Variants in CERK observed in about 807,000 individuals in gnomAD.
The protein encoded by CERK is acylsphingosine kinase.
A neutral mutation model predicts 63.4 loss-of-function variants in CERK; 39 were observed. The observed-to-expected ratio is 0.61, with a 90% CI of 0.48 to 0.80. CERK has a LOEUF of 0.80. CERK is among the 30% of genes least tolerant of loss of function. The pLI is 0.00. For missense variants in CERK, 670 were observed against 714.1 expected (o/e 0.94, Z 0.70); for synonymous variants, 302 against 280.0 (o/e 1.08, Z -0.78).
intron 1 of CERK, among the ~76,000 whole-genome samples, chr22:46,732,304 T>C (rs1030466234): frequency 3.3e-5 from 5 of 152,104 alleles, no homozygotes; most frequent in Non-Finnish European, 5.9e-5. Context: ...GCTGAAGCCA[T>C]TAAGTTGAGA....
chr22:46,721,798 CAG>C (rs1185380548), intron 1 of CERK, among the ~76,000 whole-genome samples: 3 of 152,146 alleles, frequency 2.0e-5, no homozygotes, highest in African/African-American at 4.8e-5. Context: ...GGGGAGGAGA[CAG>C]GGGAGACTTC....
At chr22:46,730,703 C>T (rs561817231) in intron 1 of CERK, among the ~76,000 whole-genome samples, 10 of 152,330 alleles carry the variant, frequency 6.6e-5, no homozygotes, top group Non-Finnish European at 1.2e-4. Flanking sequence ...AAGCCCTGGA[C>T]GTCACACATG....
chr22:46,726,253 C>T (rs1256226419), intron 1 of CERK, among the ~76,000 whole-genome samples: 2 of 152,240 alleles, frequency 1.3e-5, no homozygotes, highest in Non-Finnish European at 2.9e-5. Context: ...GAGCGAGTTC[C>T]CAGCTAAGAG....
intron 12 of CERK, among the ~76,000 whole-genome samples, chr22:46,688,323 A>AT (rs576672895): frequency 9.2e-5 from 14 of 152,378 alleles, no homozygotes; most frequent in African/African-American, 2.9e-4. Flanking sequence ...GACAGGACGT[A>AT]TTTCAAGAAT....
At chr22:46,688,425 T>C (rs2082714136) in intron 12 of CERK, among the ~76,000 whole-genome samples, 1 of 152,156 alleles carries the variant, frequency 6.6e-6, no homozygotes, top group Non-Finnish European at 1.5e-5. Flanking sequence ...GTCAAATGAG[T>C]TGACAGAGGA....
chr22:46,723,740 C>T (rs953811944), intron 1 of CERK, among the ~76,000 whole-genome samples: 3 of 151,760 alleles, frequency 2.0e-5, no homozygotes, highest in Admixed American at 6.6e-5. Context: ...TGGAGTCTTG[C>T]TCGTCACCCA....
chr22:46,711,380 G>A (rs1326813727), intron 4 of CERK, among the ~76,000 whole-genome samples: 2 of 152,124 alleles, frequency 1.3e-5, no homozygotes, highest in East Asian at 1.9e-4. Context: ...GACATGCAGC[G>A]TTCCTGGTAT....
Position 46,690,108 on chromosome 22 carries a change from C to T in CERK, c.1425G>A (p.Gly475=). The change falls in exon 12 of 13, where the codon GGG becomes GGA. Residue 475 remains glycine (G), a synonymous_variant. Coordinates refer to ENST00000216264, the MANE Select transcript of CERK (RefSeq NM_022766.6). Reference sequence around the variant, plus strand: ...AAATGTGCCCAAAGCGCTTCTTCCCCCCCTCCTTGAGGTCGCTGTCCTCAT... The same window carrying T: ...AAATGTGCCCAAAGCGCTTCTTCCCTCCCTCCTTGAGGTCGCTGTCCTCAT... ...MEDEDSDLKE[G]GKKRFGHICS... 6.2e-7 allele frequency: 1 copy of T among 1,614,106 alleles called. No homozygotes were observed. Among genetic ancestry groups the T allele is most frequent in the Non-Finnish European group, 8.5e-7 (1 of 1,180,014 alleles).
chr22:46,738,097 G>A lies in CERK; in HGVS notation c.52C>T (p.Gln18Ter). 1.6e-6 allele frequency: 2 copies of A among 1,288,622 alleles called. No individual in the cohort carries two copies. Among genetic ancestry groups the A allele is most frequent in the Non-Finnish European group, 2.0e-6 (2 of 1,010,374 alleles). The allele number at this position is 1,288,622 out of a possible 1,614,324, so 79.8% of individuals were successfully genotyped here. Residue 18 changes from glutamine to a stop codon, truncating the protein, a stop_gained, in exon 1 of 13, where the codon CAG becomes TAG. Transcript: ENST00000216264. LOFTEE classifies it high-confidence loss of function. The part of the protein sequence containing the change: ...EPLQSVLWVK[Q>*]QRCAVSLEPA... ...TCCAGGCTCACGGCGCAGCGCTGCT[G>A]CTTCACCCACAGCACGGATTGCAGC...
At chr22:46,711,298 C>G in intron 4 of CERK, 149 bp from the exon 5 acceptor site, 1 of 646,872 alleles carries the variant, frequency 1.5e-6, no homozygotes, top group Non-Finnish European at 2.8e-6. Context: ...CTACATCGCT[C>G]TTATGGGACG....
intron 12 of CERK, among the ~76,000 whole-genome samples, chr22:46,687,552 G>A (rs1187236695): frequency 1.3e-5 from 2 of 152,258 alleles, no homozygotes; most frequent in Non-Finnish European, 2.9e-5. Flanking sequence ...ATGGAAAGCA[G>A]AGCGTCCGCT....
intron 3 of CERK, 141 bp downstream of exon 3, chr22:46,719,945 A>C: frequency 8.7e-7 from 1 of 1,151,572 alleles, no homozygotes. Context: ...GCTCATGAGA[A>C]ATTAAGTCAG....
In CERK at chr22:46,690,243, A is replaced by G. The variant is rs1569317976; in HGVS notation, c.1333-43T>C. On this transcript the variant is annotated intron_variant, in intron 11 of 12. Transcript: ENST00000216264. ...GAGGGACCATTCAGCTCTAAACGTCATCGTCTGGGTGGGGCAGCAGAACAC... is the reference window on the plus strand; with the variant it reads ...GAGGGACCATTCAGCTCTAAACGTCGTCGTCTGGGTGGGGCAGCAGAACAC... 4 of 1,567,126 alleles carry G rather than the reference A, an allele frequency of 2.6e-6. No individual in the cohort carries two copies. The African/African-American group carries it at 4.1e-5, about 16-fold the overall frequency.
Position 46,689,988 on chromosome 22 carries a change from G to A in CERK, c.1541+4C>T, listed in dbSNP as rs375650283. ...GCTGGTGGCTGGAGGACCCCTGCACGCACCTGACCTCGATGGCAGGGCTGT... is the reference window on the plus strand; with the variant it reads ...GCTGGTGGCTGGAGGACCCCTGCACACACCTGACCTCGATGGCAGGGCTGT... On this transcript the variant is annotated splice_donor_region_variant and intron_variant, in intron 12 of 12. Transcript: ENST00000216264. 61 of 1,597,254 alleles carry A rather than the reference G, an allele frequency of 3.8e-5. 1 individual carries two copies. The highest frequency in any genetic ancestry group is 3.3e-4 in the Middle Eastern group (2 of 6,002).
chr22:46,734,565 T>C (rs1413694074), intron 1 of CERK, among the ~76,000 whole-genome samples: 1 of 152,230 alleles, frequency 6.6e-6, no homozygotes, highest in Non-Finnish European at 1.5e-5. Context: ...GCGATCCGGG[T>C]GATGTTTACA....
At chr22:46,736,917 C>A (rs1218945010) in intron 1 of CERK, among the ~76,000 whole-genome samples, 1 of 152,202 alleles carries the variant, frequency 6.6e-6, no homozygotes, top group South Asian at 2.1e-4. Context: ...ACCAGAGAAT[C>A]TTGGCCTCCG....
intron 1 of CERK, among the ~76,000 whole-genome samples, chr22:46,733,031 AC>A (rs943415091): frequency 1.3e-5 from 2 of 151,638 alleles, no homozygotes; most frequent in African/African-American, 2.4e-5. Flanking sequence ...ACACAGTGAA[AC>A]CCCATCTCTT....
At chr22:46,698,985 C>T (rs2082769815) in intron 8 of CERK, among the ~76,000 whole-genome samples, 1 of 152,158 alleles carries the variant, frequency 6.6e-6, no homozygotes, top group Admixed American at 6.6e-5. Context: ...TGGCCTCTGT[C>T]ACCTGCCTAC....
intron 2 of CERK, among the ~76,000 whole-genome samples, 199 bp downstream of exon 2, chr22:46,720,702 AT>A (rs1424791144): frequency 2.7e-4 from 41 of 152,204 alleles, no homozygotes; most frequent in African/African-American, 9.7e-4. Context: ...TCTCAAAAAA[AT>A]AAATAAATAA....
Sources: allele counts gnomAD v4.1 joint callset (sites outside exome capture counted in the v4.1 genomes callset), GRCh38; gene constraint gnomAD v4.1.1; transcripts MANE v1.5; gene names NCBI Gene and HGNC (gene_info 2026-07-23, HGNC 2026-07-21).